The following DLGAP1 variants were observed in gnomAD, a reference collection of about 807,000 sequenced individuals.
DLGAP1 encodes the protein DLG associated protein 1, also known as disks large-associated protein 1.
A neutral mutation model predicts 90.8 loss-of-function variants in DLGAP1; 11 were observed. The observed-to-expected ratio is 0.12, with a 90% confidence interval of 0.08 to 0.20. The LOEUF (loss-of-function observed/expected upper bound fraction) is 0.20. Ranked by LOEUF, DLGAP1 falls within the 10% of genes least tolerant of loss-of-function variation. The probability of loss-of-function intolerance (pLI) is 1.00; values close to 1 mark genes in which losing one functional copy is unlikely to be tolerated. For synonymous variants in DLGAP1, 558 were observed against 540.7 expected (o/e 1.03, Z -0.44); for missense variants, 1,050 against 1,333.8 (o/e 0.79, Z 3.31).
intron 1 of DLGAP1, among the ~76,000 whole-genome samples, chr18:4,440,285 TTGTGA>T (rs2083502871): frequency 6.6e-6 from 1 of 152,120 alleles, no homozygotes; most frequent in African/African-American, 2.4e-5. Flanking sequence ...TCTTATATGA[TTGTGA>T]TGTGATGTAC....
intron 1 of DLGAP1, among the ~76,000 whole-genome samples, chr18:4,241,644 A>G (rs1195061310): frequency 6.6e-6 from 1 of 152,228 alleles, no homozygotes; most frequent in Non-Finnish European, 1.5e-5. Context: ...ACAAATAGAA[A>G]TGCAAAATCC....
intron 4 of DLGAP1, among the ~76,000 whole-genome samples, chr18:3,870,147 T>C (rs910806825): frequency 2.6e-5 from 4 of 152,204 alleles, no homozygotes; most frequent in Non-Finnish European, 5.9e-5. Flanking sequence ...GATTGATCAC[T>C]GTCAGAATCA....
intron 7 of DLGAP1, among the ~76,000 whole-genome samples, chr18:3,647,588 C>T (rs887591016): frequency 3.3e-5 from 5 of 151,892 alleles, no homozygotes; most frequent in African/African-American, 1.2e-4. Flanking sequence ...GCCTTAGCCT[C>T]CCGAGTACCT....
At chr18:3,875,290 A>G (rs904851547) in intron 4 of DLGAP1, among the ~76,000 whole-genome samples, 1 of 152,224 alleles carries the variant, frequency 6.6e-6, no homozygotes, top group Non-Finnish European at 1.5e-5. Flanking sequence ...AGTTGGGTAG[A>G]TTTGGGATCA....
chr18:3,985,646 G>C, intron 3 of DLGAP1, among the ~76,000 whole-genome samples: 1 of 151,970 alleles, frequency 6.6e-6, no homozygotes, highest in South Asian at 2.1e-4. Flanking sequence ...AAACCTGAAG[G>C]ACGGGCTTAC....
In DLGAP1 at chr18:3,879,435, T is replaced by G. The variant is rs1174775602; in HGVS notation, c.634A>C (p.Met212Leu). ...CCCGAGGGGGCGTGGTAGATGCACA[T>G]GTCACCATCCAGGTTGTCGTCCGAG... ...WSSDDNLDGD[M>L]CIYHAPSGVM... The change falls in exon 4 of 13, where the codon ATG becomes CTG. Residue 212 changes from methionine (M) to leucine (L), a missense_variant. Met to Leu is a conservative substitution (Grantham distance 15). Around this residue, in one of 2 missense-constraint regions of DLGAP1, gnomAD observed 485 missense variants for 454.1 expected, o/e 1.07. Transcript: ENST00000315677. This position sits in a 1 kb window ranked among gnomAD's most constrained non-coding sequence, Gnocchi z 6.6. The G allele has an allele frequency of 6.2e-7, 1 of 1,609,340 alleles. No homozygotes were observed. Among genetic ancestry groups the G allele is most frequent in the Admixed American group, 1.7e-5 (1 of 60,034 alleles).
intron 2 of DLGAP1, among the ~76,000 whole-genome samples, chr18:4,016,276 A>G (rs1383735367): frequency 5.3e-5 from 8 of 152,262 alleles, no homozygotes; most frequent in Non-Finnish European, 1.0e-4. Context: ...TTACTAGTTC[A>G]AATAACTTCT....
chr18:3,722,956 G>C (rs1396363057), intron 7 of DLGAP1, among the ~76,000 whole-genome samples: 1 of 152,194 alleles, frequency 6.6e-6, no homozygotes, highest in East Asian at 1.9e-4. Flanking sequence ...ACAAAGGGCT[G>C]TTTACTGAGA....
At chr18:4,006,161 C>T (rs76972455) in intron 2 of DLGAP1, among the ~76,000 whole-genome samples, 10,036 of 152,184 alleles carry the variant, frequency 0.066, 948 homozygotes, top group African/African-American at 0.21. Context: ...AAGTTCTTGC[C>T]ACATCTTCAT....
chr18:3,718,358 C>T (rs2061836060), intron 7 of DLGAP1, among the ~76,000 whole-genome samples: 1 of 152,022 alleles, frequency 6.6e-6, no homozygotes, highest in Non-Finnish European at 1.5e-5. Flanking sequence ...GTGCTGGGTA[C>T]AGTGGCTCAG....
At chr18:4,114,857 T>C (rs991150580) in intron 2 of DLGAP1, among the ~76,000 whole-genome samples, 2 of 152,178 alleles carry the variant, frequency 1.3e-5, no homozygotes. Context: ...ATGTAAAATG[T>C]GTCCTGTAGA....
chr18:3,503,702 G>A (rs2050065818), intron 11 of DLGAP1, among the ~76,000 whole-genome samples: 1 of 152,152 alleles, frequency 6.6e-6, no homozygotes, highest in Non-Finnish European at 1.5e-5. Context: ...AATGATATCA[G>A]AATTTTGGAA....
intron 7 of DLGAP1, among the ~76,000 whole-genome samples, chr18:3,592,900 GAAAAAGAAAAAA>G (rs1377121135): frequency 1.5e-5 from 1 of 66,936 alleles, no homozygotes; most frequent in Non-Finnish European, 3.5e-5. Flanking sequence ...AAAAGAAAAA[GAAAAAGAAAAAA>G]AAGAAAGAAA....
At chr18:3,551,162 TATATATATATATATAC>T (rs2053388560) in intron 9 of DLGAP1, among the ~76,000 whole-genome samples, 1 of 19,860 alleles carries the variant, frequency 5.0e-5, no homozygotes, top group Admixed American at 1.0e-3. Context: ...TATATACATA[TATATATATATATATAC>T]ACATACATAT....
intron 3 of DLGAP1, among the ~76,000 whole-genome samples, chr18:3,991,284 T>A (rs1333612980): frequency 6.6e-6 from 1 of 152,226 alleles, no homozygotes; most frequent in Non-Finnish European, 1.5e-5. Flanking sequence ...TCAGTAAATA[T>A]TGAAATGATT....
intron 3 of DLGAP1, among the ~76,000 whole-genome samples, chr18:3,933,522 C>T (rs2072564993): frequency 6.6e-6 from 1 of 152,186 alleles, no homozygotes; most frequent in Non-Finnish European, 1.5e-5. Context: ...AATGAAAGGA[C>T]TCTTGTCTCT....
At chr18:4,051,075 T>C (rs1384108022) in intron 2 of DLGAP1, among the ~76,000 whole-genome samples, 1 of 152,230 alleles carries the variant, frequency 6.6e-6, no homozygotes, top group Non-Finnish European at 1.5e-5. Flanking sequence ...CCCAAACAGT[T>C]TGTGTGTTTG....
intron 1 of DLGAP1, among the ~76,000 whole-genome samples, chr18:4,305,239 T>A (rs1370367047): frequency 6.6e-6 from 1 of 150,916 alleles, no homozygotes. Context: ...GAATGAACAA[T>A]AACATGAAAA....
At chr18:3,760,333 CCTG>C (rs1303844161) in intron 5 of DLGAP1, among the ~76,000 whole-genome samples, 1 of 152,148 alleles carries the variant, frequency 6.6e-6, no homozygotes, top group Non-Finnish European at 1.5e-5. Flanking sequence ...AGAGGTCAGA[CCTG>C]CCGAGTTCTG....
Sources: allele counts gnomAD v4.1 joint callset (sites outside exome capture counted in the v4.1 genomes callset), GRCh38; gene constraint gnomAD v4.1.1; regional missense constraint gnomAD v4.1.1; non-coding constraint Gnocchi (gnomAD v3.1); transcripts MANE v1.5; gene names NCBI Gene and HGNC (gene_info 2026-07-23, HGNC 2026-07-21).